The following SLIT3 variants were observed in gnomAD, a reference collection of about 807,000 sequenced individuals.
SLIT3 encodes slit homolog 3 protein.
A neutral mutation model predicts 184.0 loss-of-function variants in SLIT3; 68 were observed. That is an observed-to-expected ratio of 0.37 (90% confidence interval 0.30 to 0.45). SLIT3 has a LOEUF of 0.45. SLIT3 is among the 20% of genes least tolerant of loss of function. The pLI, the probability that SLIT3 is intolerant of heterozygous loss-of-function variation, is 1.00. For synonymous variants in SLIT3, 831 were observed against 828.6 expected (o/e 1.00, Z -0.05); for missense variants, 1,707 against 2,026.0 (o/e 0.84, Z 3.02).
chr5:168,912,180 AT>A lies in SLIT3; in HGVS notation c.414-28845del, dbSNP rs1204373034. On this transcript the variant is annotated intron_variant, in intron 4 of 35. Transcript: ENST00000519560. ...TTTTTCTTATGATTTTCTTAATAAC[AT>A]TTTTCCCCTAGCTTACTTTATTGTA... Among the ~76,000 whole-genome samples the A allele has an allele frequency of 1.1e-4, 17 of 152,256 alleles. No homozygotes were observed. In the South Asian group the frequency reaches 1.9e-3, roughly 17 times the overall value.
At chr5:169,182,576 C>A (rs1763202025) in intron 4 of SLIT3, among the ~76,000 whole-genome samples, 1 of 152,166 alleles carries the variant, frequency 6.6e-6, no homozygotes, top group African/African-American at 2.4e-5. Context: ...GAGGGATTCC[C>A]AAATGTTGGT....
At chr5:168,968,958 C>T (rs909072583) in intron 4 of SLIT3, among the ~76,000 whole-genome samples, 4 of 152,128 alleles carry the variant, frequency 2.6e-5, no homozygotes, top group African/African-American at 7.2e-5. Context: ...GTGGAGTCTA[C>T]GAATAGGGCA....
rs878910689 is a variant in SLIT3, at chr5:168,683,746, C to T, written c.3686+220G>A. ...TTATGGTGATGAGGTGTCACCTCCC[C>T]TCTGCGGGCCTGCCTTCCTCTGCCT... On this transcript the variant is annotated intron_variant, in intron 32 of 35. Coordinates refer to ENST00000519560, the MANE Select transcript of SLIT3 (RefSeq NM_003062.4). 2.0e-5 allele frequency among the ~76,000 whole-genome samples: 3 copies of T among 152,202 alleles called. No individual in the cohort carries two copies. In the South Asian group the frequency reaches 6.2e-4, roughly 32 times the overall value.
At chr5:169,245,783 C>T (rs193165809) in intron 2 of SLIT3, among the ~76,000 whole-genome samples, 1 of 152,190 alleles carries the variant, frequency 6.6e-6, no homozygotes, top group Non-Finnish European at 1.5e-5. Flanking sequence ...TGCTCCATGA[C>T]AGTCTCTCCC....
At position 168,774,391 on chromosome 5, in the gene SLIT3, G is replaced by A. The variant is rs763008543; in HGVS notation, c.1152-13C>T. ...GGCATTGAGGAGGCTGCAAACAGAA[G>A]AGAGCCTGGTTGATTCACTAATCCT... On this transcript the variant is annotated splice_polypyrimidine_tract_variant and intron_variant, in intron 12 of 35. Transcript: ENST00000519560. 4.4e-6 allele frequency: 7 copies of A among 1,606,022 alleles called. No homozygotes were observed. The highest frequency in any genetic ancestry group is 3.4e-5 in the South Asian group (3 of 89,344).
chr5:169,263,509 G>A (rs1168937215), intron 1 of SLIT3: 3 of 406,008 alleles, frequency 7.4e-6, no homozygotes, highest in African/African-American at 6.7e-5. Context: ...TTCAGAAGGA[G>A]CCTGGCCCTG....
At chr5:168,952,892 GT>G (rs1346344711) in intron 4 of SLIT3, among the ~76,000 whole-genome samples, 1 of 152,224 alleles carries the variant, frequency 6.6e-6, no homozygotes, top group African/African-American at 2.4e-5. Flanking sequence ...GCAGGTGGGG[GT>G]TTATAGCCAA....
chr5:169,131,488 G>A (rs2113315860), intron 4 of SLIT3, among the ~76,000 whole-genome samples: 1 of 152,200 alleles, frequency 6.6e-6, no homozygotes. Context: ...TTCTGAGAAG[G>A]GCTCTTGTCC....
chr5:169,074,400 G>A (rs1758661890), intron 4 of SLIT3, among the ~76,000 whole-genome samples: 1 of 152,060 alleles, frequency 6.6e-6, no homozygotes, highest in Non-Finnish European at 1.5e-5. Context: ...AGGTATAAAT[G>A]ACATTAATAA....
chr5:168,777,095 ACACACACACACCCC>A (rs761110689), intron 12 of SLIT3, among the ~76,000 whole-genome samples: 15,522 of 128,806 alleles, frequency 0.12, 954 homozygotes, highest in East Asian at 0.18. Context: ...ACACACACAC[ACACACACACACCCC>A]CCATACCACA....
At chr5:169,241,989 C>T (rs1398151797) in intron 3 of SLIT3, among the ~76,000 whole-genome samples, 1 of 152,160 alleles carries the variant, frequency 6.6e-6, no homozygotes, top group East Asian at 1.9e-4. Flanking sequence ...TTTCCAGGCT[C>T]TATCTTAGAA....
chr5:169,093,110 G>A (rs1759650407), intron 4 of SLIT3, among the ~76,000 whole-genome samples: 1 of 152,148 alleles, frequency 6.6e-6, no homozygotes, highest in South Asian at 2.1e-4. Context: ...AAGAACAATA[G>A]GAATTTATTT....
intron 3 of SLIT3, among the ~76,000 whole-genome samples, chr5:169,213,923 G>A (rs567397492): frequency 7.2e-5 from 11 of 152,332 alleles, no homozygotes; most frequent in African/African-American, 2.4e-4. Flanking sequence ...AGAAAGAGGT[G>A]TGGAATAAAG....
chr5:168,993,229 G>A (rs748743104), intron 4 of SLIT3, among the ~76,000 whole-genome samples: 2 of 152,300 alleles, frequency 1.3e-5, no homozygotes, highest in East Asian at 1.9e-4. Flanking sequence ...TCAGCCAAGC[G>A]CAGAATAGCC....
chr5:168,889,926 C>A (rs1173349908), intron 4 of SLIT3, among the ~76,000 whole-genome samples: 2 of 152,002 alleles, frequency 1.3e-5, no homozygotes, highest in East Asian at 3.9e-4. Flanking sequence ...GGTGGATCAC[C>A]AATGTCAGGA....
chr5:168,971,798 C>T (rs1163587797), intron 4 of SLIT3, among the ~76,000 whole-genome samples: 1 of 152,224 alleles, frequency 6.6e-6, no homozygotes, highest in African/African-American at 2.4e-5. Flanking sequence ...AACCTTTCCA[C>T]CTTCTCTCTC....
chr5:169,111,754 A>T (rs1738179217), intron 4 of SLIT3, among the ~76,000 whole-genome samples: 1 of 152,228 alleles, frequency 6.6e-6, no homozygotes, highest in Non-Finnish European at 1.5e-5. Context: ...ACTCTGTCAA[A>T]AAATAAATAA....
chr5:169,010,448 G>C (rs1756101239), intron 4 of SLIT3, among the ~76,000 whole-genome samples: 1 of 152,248 alleles, frequency 6.6e-6, no homozygotes, highest in Non-Finnish European at 1.5e-5. Context: ...GTGAATTACA[G>C]GATGCCCTGT....
At chr5:168,834,602 A>T (rs1757981095) in intron 6 of SLIT3, among the ~76,000 whole-genome samples, 1 of 141,186 alleles carries the variant, frequency 7.1e-6, no homozygotes. Context: ...TGAGGGCAGG[A>T]GGTGAGCCTG....
Sources: gnomAD v4.1 joint callset for allele counts (sites outside exome capture counted in the v4.1 genomes callset) on GRCh38, gnomAD v4.1.1 for gene constraint, MANE v1.5 for transcripts, NCBI Gene and HGNC (gene_info 2026-07-23, HGNC 2026-07-21) for gene names.